The following CPB2 variants were observed in gnomAD, a reference collection of about 807,000 sequenced individuals.
The protein encoded by CPB2 is carboxypeptidase B-like protein.
CPB2 carries 54 observed loss-of-function variants against 57.0 expected under a neutral mutation model. That is an observed-to-expected ratio of 0.95 (90% CI 0.76 to 1.19). The LOEUF (loss-of-function observed/expected upper bound fraction) is 1.19. CPB2 is among the 50% of genes most tolerant of loss of function. CPB2 has a pLI of 0.00. For missense variants in CPB2, 426 were observed against 512.0 expected (o/e 0.83, Z 1.62); for synonymous variants, 189 against 178.1 (o/e 1.06, Z -0.49).
At chr13:46,094,678 C>G (rs1445536281) in intron 1 of CPB2, among the ~76,000 whole-genome samples, 1 of 152,112 alleles carries the variant, frequency 6.6e-6, no homozygotes, top group Admixed American at 6.5e-5. Flanking sequence ...GACCATGACC[C>G]TTAGAAAATT....
intron 1 of CPB2, among the ~76,000 whole-genome samples, chr13:46,104,482 T>C (rs1566423432): frequency 1.3e-5 from 2 of 152,220 alleles, no homozygotes; most frequent in African/African-American, 4.8e-5. Flanking sequence ...TCATATTCCA[T>C]GCTAAATAAT....
intron 8 of CPB2, among the ~76,000 whole-genome samples, chr13:46,062,853 T>C (rs1488350917): frequency 6.6e-6 from 1 of 152,196 alleles, no homozygotes; most frequent in Non-Finnish European, 1.5e-5. Flanking sequence ...AGGCTGAATG[T>C]TGTGAGGTTT....
intron 1 of CPB2, among the ~76,000 whole-genome samples, chr13:46,097,586 A>G (rs1257944686): frequency 6.6e-6 from 1 of 152,204 alleles, no homozygotes; most frequent in Non-Finnish European, 1.5e-5. Context: ...AAATGGGTCC[A>G]TTACCATGGA....
chr13:46,104,911 A>G, intron 1 of CPB2, 25 bp downstream of exon 1: 2 of 1,613,708 alleles, frequency 1.2e-6, no homozygotes, highest in Non-Finnish European at 1.7e-6. Flanking sequence ...GTGGCCCACC[A>G]CAGTCTAAGA....
At position 46,067,429 on chromosome 13, in the gene CPB2, ACCAAG is replaced by A; in HGVS notation, c.592-17_592-13del. ...TAGAATTGAGTTATCTGCAAATTAA[ACCAAG>A]TATATTTAATTAGATGTTTTAAGTT... On this transcript the variant is annotated splice_polypyrimidine_tract_variant and intron_variant, in intron 6 of 10. Coordinates refer to ENST00000181383, the MANE Select transcript of CPB2 (RefSeq NM_001872.5). The A allele has an allele frequency of 8.0e-7, 1 of 1,251,180 alleles. No homozygotes were observed. The highest frequency in any genetic ancestry group is 1.2e-6 in the Non-Finnish European group (1 of 856,820). The allele number at this position is 1,251,180 out of a possible 1,614,324, so 77.5% of individuals were successfully genotyped here.
intron 1 of CPB2, among the ~76,000 whole-genome samples, chr13:46,101,776 T>G (rs184693706): frequency 6.6e-6 from 1 of 152,192 alleles, no homozygotes; most frequent in Non-Finnish European, 1.5e-5. Flanking sequence ...GGGTGATAAG[T>G]AGCAGATCTG....
At chr13:46,104,006 A>G (rs2045465898) in intron 1 of CPB2, among the ~76,000 whole-genome samples, 1 of 152,236 alleles carries the variant, frequency 6.6e-6, no homozygotes, top group South Asian at 2.1e-4. Flanking sequence ...ATCAACTATA[A>G]TCAGTTCAGT....
At chr13:46,057,790 T>C (rs1372561327) in intron 9 of CPB2, among the ~76,000 whole-genome samples, 2 of 152,170 alleles carry the variant, frequency 1.3e-5, no homozygotes, top group Admixed American at 1.3e-4. Flanking sequence ...GAGTGCTGTG[T>C]TGAGACTTAA....
intron 5 of CPB2, among the ~76,000 whole-genome samples, chr13:46,074,743 T>A (rs1272577078): frequency 6.6e-6 from 1 of 152,142 alleles, no homozygotes; most frequent in Non-Finnish European, 1.5e-5. Context: ...TGGAAGACAA[T>A]TTTTCCATGG....
chr13:46,072,749 C>G (rs1023670480), intron 6 of CPB2, among the ~76,000 whole-genome samples: 3 of 152,244 alleles, frequency 2.0e-5, no homozygotes, highest in Admixed American at 2.0e-4. Flanking sequence ...TTCTTCTTGG[C>G]CCTTCTCATG....
At chr13:46,084,944 G>A (rs2045178870) in intron 2 of CPB2, among the ~76,000 whole-genome samples, 1 of 151,408 alleles carries the variant, frequency 6.6e-6, no homozygotes, top group Non-Finnish European at 1.5e-5. Context: ...TCTGCCTCCC[G>A]AGTTCTCGCC....
At chr13:46,068,705 C>T (rs1247115153) in intron 6 of CPB2, among the ~76,000 whole-genome samples, 3 of 151,622 alleles carry the variant, frequency 2.0e-5, no homozygotes, top group Non-Finnish European at 2.9e-5. Flanking sequence ...CCCCCACCCC[C>T]GACAGGCCCC....
chr13:46,090,575 G>A (rs1245945133), intron 1 of CPB2, among the ~76,000 whole-genome samples: 1 of 151,500 alleles, frequency 6.6e-6, no homozygotes, highest in Admixed American at 6.6e-5. Flanking sequence ...TGTTAGTCAG[G>A]CTGGTCTCGA....
intron 2 of CPB2, 102 bp downstream of exon 2, chr13:46,087,643 C>A: frequency 2.6e-6 from 2 of 769,274 alleles, no homozygotes; most frequent in South Asian, 1.6e-5. Flanking sequence ...AAGAAGAGTT[C>A]ATACCAGATA....
intron 6 of CPB2, among the ~76,000 whole-genome samples, chr13:46,067,750 G>A (rs541016484): frequency 6.6e-6 from 1 of 152,250 alleles, no homozygotes; most frequent in South Asian, 2.1e-4. Flanking sequence ...ATTTAGTTTA[G>A]CTCCTTTTTC....
intron 1 of CPB2, among the ~76,000 whole-genome samples, chr13:46,095,535 T>C (rs1363402146): frequency 6.6e-6 from 1 of 152,200 alleles, no homozygotes; most frequent in Non-Finnish European, 1.5e-5. Context: ...TGATGTGGCA[T>C]CTTTGCCGGG....
At chr13:46,088,603 T>C (rs1322838588) in intron 1 of CPB2, among the ~76,000 whole-genome samples, 1 of 152,226 alleles carries the variant, frequency 6.6e-6, no homozygotes, top group Non-Finnish European at 1.5e-5. Flanking sequence ...GTTTTTTGTA[T>C]CAATTTATAT....
At chr13:46,072,033 G>A (rs1287666037) in intron 6 of CPB2, among the ~76,000 whole-genome samples, 1 of 152,210 alleles carries the variant, frequency 6.6e-6, no homozygotes, top group Non-Finnish European at 1.5e-5. Context: ...CCCTGTGCCG[G>A]ATTTTGGCTT....
rs568266554 is a variant in CPB2 at position 46,095,530 on chromosome 13, T to C, written c.75-7710A>G. Among the ~76,000 whole-genome samples, 177 of 152,320 alleles carry C rather than the reference T, an allele frequency of 1.2e-3. 2 individuals carry two copies. Among genetic ancestry groups the C allele is most frequent in the Non-Finnish European group, 4.7e-4 (32 of 68,034 alleles). On this transcript the variant is annotated intron_variant, in intron 1 of 10. Transcript: ENST00000181383. ...TCAATTGCAGCCATAGTGCTTGATGTGGCATCTTTGCCGGGGTAGAGTCTC... is the reference window on the plus strand; with the variant it reads ...TCAATTGCAGCCATAGTGCTTGATGCGGCATCTTTGCCGGGGTAGAGTCTC...
Sources: gnomAD v4.1 joint callset for allele counts (sites outside exome capture counted in the v4.1 genomes callset) on GRCh38, gnomAD v4.1.1 for gene constraint, MANE v1.5 for transcripts, NCBI Gene and HGNC (gene_info 2026-07-23, HGNC 2026-07-21) for gene names.